Variants in SLC5A7 observed in about 807,000 individuals in gnomAD.
SLC5A7 encodes the protein high affinity choline transporter 1.
A neutral mutation model predicts 55.4 loss-of-function variants in SLC5A7; 19 were observed. That is an observed-to-expected ratio of 0.34 (90% confidence interval 0.24 to 0.50). The LOEUF (loss-of-function observed/expected upper bound fraction) is 0.50, where lower values mean the gene tolerates loss of function less well. Among genes scored for constraint, SLC5A7 ranks in the 20% least tolerant of loss-of-function variants. The pLI is 0.98. For missense variants in SLC5A7, 506 were observed against 705.3 expected (o/e 0.72, Z 3.20); for synonymous variants, 265 against 263.7 (o/e 1.00, Z -0.05).
chr2:108,004,210 T>A (rs536833518), intron 6 of SLC5A7, among the ~76,000 whole-genome samples: 1 of 152,314 alleles, frequency 6.6e-6, no homozygotes, highest in East Asian at 1.9e-4. Flanking sequence ...ATGACCTAAA[T>A]GTCCAGGGTG....
At position 108,011,875 on chromosome 2, in the gene SLC5A7, G is replaced by GA. The variant is rs1232744805; in HGVS notation, c.*1021dup. 1.3e-5 allele frequency: 2 copies of GA among 152,050 alleles called. No homozygotes were observed. Among genetic ancestry groups the GA allele is most frequent in the Non-Finnish European group, 1.5e-5 (1 of 67,934 alleles). 9.4% of individuals were successfully genotyped at this position (152,050 alleles called of 1,614,324 possible). ...ACACCTCCTGATAGTAGTAAAATTA[G>GA]AAAAAAACAAACTCTACTAATTTTT... On this transcript the variant is annotated 3_prime_UTR_variant, in exon 9 of 9. Coordinates refer to ENST00000264047, the MANE Select transcript of SLC5A7 (RefSeq NM_021815.5).
At chr2:107,990,015 G>A (rs2104336120) in intron 2 of SLC5A7, among the ~76,000 whole-genome samples, 1 of 151,852 alleles carries the variant, frequency 6.6e-6, no homozygotes, top group South Asian at 2.1e-4. Flanking sequence ...AATAACCTTG[G>A]TCAATATCAT....
intron 6 of SLC5A7, among the ~76,000 whole-genome samples, chr2:108,002,328 CT>C (rs1677946222): frequency 6.6e-6 from 1 of 152,114 alleles, no homozygotes; most frequent in South Asian, 2.1e-4. Context: ...ACCCCCAGGA[CT>C]TTCCCCAACC....
rs1678332062 is a variant in SLC5A7, at chr2:108,011,600, C to G, written c.*739C>G. 6.6e-6 allele frequency: 1 copy of G among 152,050 alleles called. No individual in the cohort carries two copies. The highest frequency in any genetic ancestry group is 1.5e-5 in the Non-Finnish European group (1 of 68,002). The allele number at this position is 152,050 out of a possible 1,614,324, so 9.4% of individuals were successfully genotyped here. Reference sequence around the variant, plus strand: ...AGTACCTGAAGGATTATTAAGCAACCTTAAAGCAATAAGTTCATTAAACAG... The same window carrying G: ...AGTACCTGAAGGATTATTAAGCAACGTTAAAGCAATAAGTTCATTAAACAG... On this transcript the variant is annotated 3_prime_UTR_variant, in exon 9 of 9. Transcript: ENST00000264047.
intron 5 of SLC5A7, among the ~76,000 whole-genome samples, chr2:107,999,943 C>A (rs967294397): frequency 3.9e-5 from 6 of 152,188 alleles, no homozygotes; most frequent in African/African-American, 1.2e-4. Context: ...ACTCACCATT[C>A]ATGTCTATGT....
Position 107,997,907 on chromosome 2 carries a change from C to T in SLC5A7, c.518C>T (p.Thr173Ile), listed in dbSNP as rs746514670. ...ISVIISALIA[T>I]LYTLVGGLYS... is the part of the protein sequence containing the mutation. ...GTCATCATCTCTGCACTCATTGCCA[C>T]TCTGTACACACTGGTGGGAGGGCTC... Residue 173 changes from threonine (T) to isoleucine (I), a missense_variant, in exon 5 of 9, where the codon ACT becomes ATT. Around this residue, in one of 4 missense-constraint regions of SLC5A7, gnomAD observed 309 missense variants for 478.6 expected, o/e 0.65. Coordinates refer to ENST00000264047, the MANE Select transcript of SLC5A7 (RefSeq NM_021815.5). 1.2e-6 allele frequency: 2 copies of T among 1,614,088 alleles called. No homozygotes were observed. Among genetic ancestry groups the T allele is most frequent in the Admixed American group, 3.3e-5 (2 of 60,012 alleles).
intron 2 of SLC5A7, among the ~76,000 whole-genome samples, chr2:107,991,761 T>C (rs1677462778): frequency 6.6e-6 from 1 of 152,114 alleles, no homozygotes; most frequent in Non-Finnish European, 1.5e-5. Flanking sequence ...CTCAATGCAT[T>C]TAGAAAACAT....
chr2:107,990,539 C>T (rs1677417118), intron 2 of SLC5A7, among the ~76,000 whole-genome samples: 1 of 151,642 alleles, frequency 6.6e-6, no homozygotes, highest in African/African-American at 2.4e-5. Context: ...TTAAAAATTT[C>T]AGCAGGGCTT....
intron 7 of SLC5A7, among the ~76,000 whole-genome samples, chr2:108,006,770 G>C (rs999470169): frequency 3.9e-5 from 6 of 152,082 alleles, no homozygotes; most frequent in African/African-American, 1.2e-4. Context: ...AAAACCCCTA[G>C]GTGAGTTGAG....
chr2:108,012,231 C>T lies in SLC5A7; in HGVS notation c.*1370C>T, dbSNP rs1403547712. 1 of 151,912 alleles carries T rather than the reference C, an allele frequency of 6.6e-6. No individual in the cohort carries two copies. The highest frequency in any genetic ancestry group is 1.5e-5 in the Non-Finnish European group (1 of 67,960). 9.4% of individuals were successfully genotyped at this position (151,912 alleles called of 1,614,324 possible). A position where few individuals can be genotyped will look rare whatever the true frequency, so the allele number is the denominator to read the frequency against. On this transcript the variant is annotated 3_prime_UTR_variant, in exon 9 of 9. Coordinates refer to ENST00000264047, the MANE Select transcript of SLC5A7 (RefSeq NM_021815.5). ...TGTGTCCATTTCAAGTGTTTTCACA[C>T]CAGTCACACATTATAGAAATTACTG... is the stretch of plus-strand genomic sequence containing the variant.
intron 8 of SLC5A7, 66 bp from the exon 9 acceptor site, chr2:108,010,166 C>A (rs1678263261): frequency 6.5e-7 from 1 of 1,540,968 alleles, no homozygotes; most frequent in African/African-American, 1.4e-5. Context: ...AAAAATATGT[C>A]TCATTCTTTG....
rs181777051 is a variant in SLC5A7 at position 108,005,083 on chromosome 2, T to C, written c.742-966T>C. ...ATTCTGTACTAACGTATGATGTAAA[T>C]CATTTAATAAAAGCAACCATACAAT... On this transcript the variant is annotated intron_variant, in intron 6 of 8. Transcript: ENST00000264047. 2.4e-3 allele frequency among the ~76,000 whole-genome samples: 367 copies of C among 152,348 alleles called. 3 individuals carry two copies. The highest frequency in any genetic ancestry group is 0.024 in the Middle Eastern group (7 of 294).
At position 107,988,683 on chromosome 2, in the gene SLC5A7, G is replaced by C. The variant is rs114172360; in HGVS notation, c.178+350G>C. On this transcript the variant is annotated intron_variant, in intron 2 of 8. Transcript: ENST00000264047. ...TCCTAGTATTACAAGCTATGTATCTGCTAATTAATGTGATAGGCAGCATCT... is the reference window on the plus strand; with the variant it reads ...TCCTAGTATTACAAGCTATGTATCTCCTAATTAATGTGATAGGCAGCATCT... 5.6e-3 allele frequency among the ~76,000 whole-genome samples: 846 copies of C among 151,656 alleles called. 5 individuals carry two copies. Among genetic ancestry groups the C allele is most frequent in the African/African-American group, 0.019 (803 of 41,352 alleles).
chr2:108,002,513 AG>A (rs1677953494), intron 6 of SLC5A7, among the ~76,000 whole-genome samples: 1 of 137,540 alleles, frequency 7.3e-6, no homozygotes, highest in African/African-American at 3.6e-5. Context: ...AAAGATGCCA[AG>A]AGAGAGGCCC....
intron 2 of SLC5A7, among the ~76,000 whole-genome samples, chr2:107,991,148 T>C (rs1034963115): frequency 2.4e-4 from 37 of 152,146 alleles, no homozygotes; most frequent in Non-Finnish European, 4.1e-4. Context: ...CAGAGAAAAA[T>C]ATTAATCTGT....
chr2:108,006,820 G>A (rs543866625), intron 7 of SLC5A7, among the ~76,000 whole-genome samples: 1 of 152,256 alleles, frequency 6.6e-6, no homozygotes, highest in South Asian at 2.1e-4. Context: ...ACGTTTACCT[G>A]TCATCCTCAT....
chr2:107,995,608 C>G (rs549729108), intron 4 of SLC5A7, among the ~76,000 whole-genome samples: 2 of 152,024 alleles, frequency 1.3e-5, no homozygotes, highest in South Asian at 4.2e-4. Context: ...CACCTGTAAT[C>G]TTTAAATTTA....
chr2:107,988,858 A>G (rs1022202050), intron 2 of SLC5A7, among the ~76,000 whole-genome samples: 1 of 152,200 alleles, frequency 6.6e-6, no homozygotes, highest in African/African-American at 2.4e-5. Context: ...TTGAAACCTA[A>G]TTCTTTCATT....
chr2:108,005,086 T>C (rs1440422666), intron 6 of SLC5A7, among the ~76,000 whole-genome samples: 1 of 152,226 alleles, frequency 6.6e-6, no homozygotes, highest in East Asian at 1.9e-4. Flanking sequence ...ATGTAAATCA[T>C]TTAATAAAAG....
Sources: allele counts gnomAD v4.1 joint callset (sites outside exome capture counted in the v4.1 genomes callset), GRCh38; gene constraint gnomAD v4.1.1; regional missense constraint gnomAD v4.1.1; transcripts MANE v1.5; gene names NCBI Gene and HGNC (gene_info 2026-07-23, HGNC 2026-07-21).